The following EML6 variants were observed in gnomAD, a reference collection of about 807,000 sequenced individuals.
EML6 encodes EMAP like 6, also known as echinoderm microtubule-associated protein-like 6.
EML6 carries 154 observed loss-of-function variants against 240.1 expected under a neutral mutation model. That is an observed-to-expected ratio of 0.64 (90% CI 0.56 to 0.73). The LOEUF is 0.73. Ranked by LOEUF, EML6 falls within the 30% of genes least tolerant of loss-of-function variation. The probability of loss-of-function intolerance (pLI) is 0.00; values close to 1 mark genes in which losing one functional copy is unlikely to be tolerated. For synonymous variants in EML6, 1,148 were observed against 899.0 expected, an observed-to-expected ratio of 1.28 and a Z score of -4.95; for missense variants, 2,964 against 2,474.6, an observed-to-expected ratio of 1.20 and a Z score of -4.20.
Position 54,816,779 on chromosome 2 carries a change from A to C in EML6, c.358-8A>C, listed in dbSNP as rs965422561. The C allele has an allele frequency of 3.2e-6, 5 of 1,544,558 alleles. 1 individual carries two copies. The highest frequency in any genetic ancestry group is 4.4e-6 in the Non-Finnish European group (5 of 1,140,622). Reference sequence around the variant, plus strand: ...TTTTAGGTACTAAATTATTGTTCTTATTCTTAGCGTTTAGCCTCTGTGGGG... The same window carrying C: ...TTTTAGGTACTAAATTATTGTTCTTCTTCTTAGCGTTTAGCCTCTGTGGGG... On this transcript the variant is annotated splice_polypyrimidine_tract_variant and splice_region_variant and intron_variant, in intron 3 of 41. Coordinates refer to ENST00000356458, the MANE Select transcript of EML6 (RefSeq NM_001039753.4).
At chr2:54,803,490 C>G (rs193030922) in intron 2 of EML6, among the ~76,000 whole-genome samples, 69 of 152,248 alleles carry the variant, frequency 4.5e-4, no homozygotes, top group African/African-American at 1.5e-3. Flanking sequence ...CTCCAAGCCC[C>G]TTTTGTTTGT....
intron 2 of EML6, among the ~76,000 whole-genome samples, chr2:54,791,235 G>A (rs140127699): frequency 4.4e-4 from 67 of 152,292 alleles, no homozygotes; most frequent in African/African-American, 1.5e-3. Flanking sequence ...GCCAGTACAT[G>A]CCTGATCGGG....
intron 2 of EML6, among the ~76,000 whole-genome samples, chr2:54,758,400 T>A (rs1667832814): frequency 6.6e-6 from 1 of 152,196 alleles, no homozygotes; most frequent in African/African-American, 2.4e-5. Flanking sequence ...TGGCCCAGAA[T>A]GTGCTCTTAT....
intron 28 of EML6, among the ~76,000 whole-genome samples, chr2:54,942,861 TC>T (rs1675497544): frequency 6.6e-6 from 1 of 152,166 alleles, no homozygotes; most frequent in South Asian, 2.1e-4. Flanking sequence ...CTAGACACCT[TC>T]ATTTTTCCCC....
At chr2:54,859,747 G>T in intron 12 of EML6, 46 bp downstream of exon 12, 2 of 1,464,818 alleles carry the variant, frequency 1.4e-6, no homozygotes, top group East Asian at 5.0e-5. Flanking sequence ...TTTTCAATAG[G>T]CATTTCAAAG....
chr2:54,895,566 C>T (rs920089816), intron 21 of EML6, among the ~76,000 whole-genome samples, 166 bp downstream of exon 21: 5 of 152,222 alleles, frequency 3.3e-5, no homozygotes, highest in African/African-American at 1.2e-4. Context: ...ACAAGCTTAG[C>T]AGCTTAAAAC....
chr2:54,815,293 A>G (rs1668033057), intron 3 of EML6, among the ~76,000 whole-genome samples: 1 of 152,204 alleles, frequency 6.6e-6, no homozygotes, highest in African/African-American at 2.4e-5. Flanking sequence ...CTTGTATGTT[A>G]GCCATGGTGG....
intron 41 of EML6, among the ~76,000 whole-genome samples, chr2:54,969,781 C>T (rs1169438850): frequency 6.6e-6 from 1 of 152,168 alleles, no homozygotes; most frequent in Non-Finnish European, 1.5e-5. Context: ...TCAATAGTAA[C>T]AGGAGAGAGT....
At chr2:54,786,860 C>G (rs1669122924) in intron 2 of EML6, among the ~76,000 whole-genome samples, 1 of 152,164 alleles carries the variant, frequency 6.6e-6, no homozygotes, top group Admixed American at 6.5e-5. Flanking sequence ...ACAAGTGAAA[C>G]TTGTTAAACA....
At chr2:54,732,707 C>A (rs1683227829) in intron 2 of EML6, among the ~76,000 whole-genome samples, 1 of 152,114 alleles carries the variant, frequency 6.6e-6, no homozygotes, top group African/African-American at 2.4e-5. Flanking sequence ...AAACCATAGG[C>A]TTTGGTTGCT....
intron 26 of EML6, among the ~76,000 whole-genome samples, chr2:54,917,948 T>C (rs1161060361): frequency 6.6e-6 from 1 of 152,238 alleles, no homozygotes. Flanking sequence ...GTGGGACTGC[T>C]ACCTTCTTGG....
chr2:54,795,047 C>A (rs7582017), intron 2 of EML6, among the ~76,000 whole-genome samples: 2 of 152,054 alleles, frequency 1.3e-5, no homozygotes, highest in African/African-American at 2.4e-5. Flanking sequence ...ACTATTTATT[C>A]GTGTTTTTTT....
intron 26 of EML6, among the ~76,000 whole-genome samples, chr2:54,918,383 G>A (rs1296642154): frequency 2.0e-5 from 3 of 152,240 alleles, no homozygotes; most frequent in African/African-American, 4.8e-5. Flanking sequence ...GGGTTTTGCT[G>A]TGTTTCCCAG....
At chr2:54,844,997 AGT>A (rs917994668) in intron 8 of EML6, among the ~76,000 whole-genome samples, 5 of 152,188 alleles carry the variant, frequency 3.3e-5, no homozygotes, top group African/African-American at 1.2e-4. Context: ...AAAGAGGGAG[AGT>A]GTGAGAGGAA....
At chr2:54,889,855 C>T (rs545501563) in intron 17 of EML6, among the ~76,000 whole-genome samples, 1 of 152,196 alleles carries the variant, frequency 6.6e-6, no homozygotes, top group Admixed American at 6.5e-5. Context: ...CATTAAGTAA[C>T]AGTCCTTGGA....
At chr2:54,767,265 A>G (rs1008139374) in intron 2 of EML6, among the ~76,000 whole-genome samples, 2 of 152,200 alleles carry the variant, frequency 1.3e-5, no homozygotes, top group Non-Finnish European at 2.9e-5. Flanking sequence ...AGCCCTATTC[A>G]ATGAAGAAGA....
intron 25 of EML6, among the ~76,000 whole-genome samples, chr2:54,911,818 C>T (rs1673657845): frequency 1.3e-5 from 2 of 152,140 alleles, no homozygotes; most frequent in Admixed American, 6.6e-5. Context: ...TCCATGTTTC[C>T]TCATGTCCTT....
chr2:54,905,620 A>G (rs974121554), intron 24 of EML6, among the ~76,000 whole-genome samples: 2 of 152,136 alleles, frequency 1.3e-5, no homozygotes, highest in Non-Finnish European at 2.9e-5. Flanking sequence ...CTGTTGTGCA[A>G]CCATCACTGC....
At chr2:54,837,265 T>G (rs779848543) in intron 7 of EML6, among the ~76,000 whole-genome samples, 4 of 152,194 alleles carry the variant, frequency 2.6e-5, no homozygotes, top group Non-Finnish European at 5.9e-5. Flanking sequence ...GGAAGGGTAT[T>G]AACTCCACAC....
Sources: gnomAD v4.1 joint callset for allele counts (sites outside exome capture counted in the v4.1 genomes callset) on GRCh38, gnomAD v4.1.1 for gene constraint, MANE v1.5 for transcripts, NCBI Gene and HGNC (gene_info 2026-07-23, HGNC 2026-07-21) for gene names.